Variants in SIGLEC15 observed in about 807,000 individuals in gnomAD.
SIGLEC15 encodes the protein sialic acid-binding Ig-like lectin 15.
In SIGLEC15, 31 loss-of-function variants were observed where a neutral mutation model predicts 26.2. That is an observed-to-expected ratio of 1.18 (90% CI 0.89 to 1.60). The LOEUF (loss-of-function observed/expected upper bound fraction) is 1.60. SIGLEC15 is among the 40% of genes most tolerant of loss of function. The pLI is 0.00. For missense variants in SIGLEC15, 501 were observed against 488.4 expected (o/e 1.03, Z -0.24); for synonymous variants, 207 against 221.9 (o/e 0.93, Z 0.60).
In SIGLEC15 at chr18:45,837,098, T is replaced by G. The variant is rs1487655195; in HGVS notation, c.112+10T>G. 1.2e-6 allele frequency: 2 copies of G among 1,612,742 alleles called. No homozygotes were observed. The highest frequency in any genetic ancestry group is 2.2e-5 in the South Asian group (2 of 90,932). The stretch of plus-strand genomic sequence containing the variant: ...AACACAGAGGTGCACAGTAAGTGCT[T>G]TTATTATTATCACCATCTCGGGGAT... On this transcript the variant is annotated intron_variant, in intron 2 of 5. Coordinates refer to ENST00000389474, the MANE Select transcript of SIGLEC15 (RefSeq NM_213602.3).
rs72916291 is a variant in SIGLEC15 at position 45,835,566 on chromosome 18, A to G, written c.53-1463A>G. Among the ~76,000 whole-genome samples, 536 of 152,312 alleles carry G rather than the reference A, an allele frequency of 3.5e-3. 2 individuals carry two copies. Among genetic ancestry groups the G allele is most frequent in the Non-Finnish European group, 6.1e-3 (416 of 68,016 alleles). On this transcript the variant is annotated intron_variant, in intron 1 of 5. Coordinates refer to ENST00000389474, the MANE Select transcript of SIGLEC15 (RefSeq NM_213602.3). ...AACTGGTGCTGATCTCATTTCGTAG[A>G]GGTCAGTCACTCTCCCACTCCAAGG...
intron 1 of SIGLEC15, among the ~76,000 whole-genome samples, chr18:45,836,785 C>A (rs546262983): frequency 1.3e-5 from 2 of 152,364 alleles, no homozygotes; most frequent in African/African-American, 2.4e-5. Context: ...ACCAACTCAA[C>A]GCATTAGCTT....
intron 1 of SIGLEC15, among the ~76,000 whole-genome samples, chr18:45,828,516 T>TG (rs2048205084): frequency 6.6e-6 from 1 of 152,090 alleles, no homozygotes; most frequent in Non-Finnish European, 1.5e-5. Context: ...AGGCCTCAGG[T>TG]GGTCCTCAAG....
At chr18:45,826,256 G>C (rs1012473330) in intron 1 of SIGLEC15, among the ~76,000 whole-genome samples, 5 of 152,236 alleles carry the variant, frequency 3.3e-5, no homozygotes, top group African/African-American at 1.2e-4. Context: ...GAGGGATAGA[G>C]GCCCTCCCAG....
At chr18:45,841,978 C>T (rs2145086303) in intron 5 of SIGLEC15, 128 bp from the exon 6 acceptor site, 1 of 857,262 alleles carries the variant, frequency 1.2e-6, no homozygotes, top group East Asian at 2.6e-5. Flanking sequence ...CATCTCTGAG[C>T]CCTGCCGGTT....
At position 45,837,764 on chromosome 18, in the gene SIGLEC15, C is replaced by T. The variant is rs1047643976; in HGVS notation, c.364C>T (p.Arg122Cys). 54 of 1,521,432 alleles carry T rather than the reference C, an allele frequency of 3.5e-5. No homozygotes were observed. The highest frequency in any genetic ancestry group is 4.6e-5 in the Non-Finnish European group (53 of 1,143,222). The allele number at this position is 1,521,432 out of a possible 1,614,324, so 94.2% of individuals were successfully genotyped here. Residue 122 changes from arginine to cysteine, a missense_variant, in exon 3 of 6, where the codon CGC becomes TGC. Arg to Cys is a radical substitution (Grantham distance 180). Transcript: ENST00000389474. ...GRFRLLGNPR[R>C]NDLSLRVERL... ...CTTCCGGCTGCTGGGCAACCCGCGC[C>T]GCAACGACCTCTCGCTGCGCGTCGA... is the stretch of plus-strand genomic sequence containing the variant.
chr18:45,839,054 T>C lies in SIGLEC15; in HGVS notation c.833T>C (p.Leu278Pro). Residue 278 changes from leucine to proline, a missense_variant, in exon 4 of 6, where the codon CTG (leucine) becomes CCG (proline). Leu to Pro is a moderately conservative substitution (Grantham distance 98). Coordinates refer to ENST00000389474, the MANE Select transcript of SIGLEC15 (RefSeq NM_213602.3). ...GCTCTCGGCTTCAAGGCGCTGCTGC[T>C]GCTCGGGGTCCTGGCCGCCCGCGCT... Reference protein sequence around the residue: ...LGALGFKALLLLGVLAARAAR... With the variant: ...LGALGFKALLPLGVLAARAAR... The C allele has an allele frequency of 3.3e-6, 5 of 1,519,730 alleles. No individual in the cohort carries two copies. Among genetic ancestry groups the C allele is most frequent in the Non-Finnish European group, 4.4e-6 (5 of 1,144,326 alleles). The allele number at this position is 1,519,730 out of a possible 1,614,324, so 94.1% of individuals were successfully genotyped here.
intron 4 of SIGLEC15, 108 bp from the exon 5 acceptor site, chr18:45,840,103 A>C: frequency 3.2e-6 from 4 of 1,268,530 alleles, no homozygotes; most frequent in Non-Finnish European, 4.5e-6. Flanking sequence ...TGCTTCAAAA[A>C]CAGTGGTTTC....
At chr18:45,835,692 A>G (rs574668812) in intron 1 of SIGLEC15, among the ~76,000 whole-genome samples, 2 of 152,308 alleles carry the variant, frequency 1.3e-5, no homozygotes, top group South Asian at 4.1e-4. Flanking sequence ...ACCATCCAGT[A>G]ACACTTTTAC....
At chr18:45,838,521 C>T in intron 3 of SIGLEC15, 197 bp from the exon 4 acceptor site, 1 of 738,530 alleles carries the variant, frequency 1.4e-6, no homozygotes, top group Non-Finnish European at 2.1e-6. Flanking sequence ...TCATGATCCT[C>T]ACTTTACACA....
chr18:45,840,192 C>T lies in SIGLEC15; in HGVS notation c.875-19C>T. ...TGCGGTGGAGATTCATGCCTGCTCT[C>T]TTGCTGTCCCTCCCACAGAGCATCT... On this transcript the variant is annotated intron_variant, in intron 4 of 5. Transcript: ENST00000389474. 6.2e-7 allele frequency: 1 copy of T among 1,613,080 alleles called. No homozygotes were observed. The highest frequency in any genetic ancestry group is 8.5e-7 in the Non-Finnish European group (1 of 1,179,570).
chr18:45,839,092 C>A lies in SIGLEC15; in HGVS notation c.871C>A (p.Pro291Thr). 7.1e-7 allele frequency: 1 copy of A among 1,405,764 alleles called. No homozygotes were observed. The highest frequency in any genetic ancestry group is 1.6e-5 in the South Asian group (1 of 63,056). The allele number at this position is 1,405,764 out of a possible 1,614,324, so 87.1% of individuals were successfully genotyped here. Reference protein sequence around the residue: ...VLAARAARRRPEHLDTPDTPP... With the variant: ...VLAARAARRRTEHLDTPDTPP... Reference sequence around the variant, plus strand: ...GGCCGCCCGCGCTGCCCGCCGCCGCCCAGGTGGGTGCGCCCCAGACACGGG... The same window carrying A: ...GGCCGCCCGCGCTGCCCGCCGCCGCACAGGTGGGTGCGCCCCAGACACGGG... The change falls in exon 4 of 6, where the codon CCA becomes ACA. Residue 291 changes from proline (P) to threonine (T), a missense_variant. Physicochemically the swap from Pro to Thr is conservative, Grantham distance 38 (BLOSUM62 -1). Coordinates refer to ENST00000389474, the MANE Select transcript of SIGLEC15 (RefSeq NM_213602.3).
At position 45,842,168 on chromosome 18, in the gene SIGLEC15, C is replaced by G. The variant is rs1197801083; in HGVS notation, c.968C>G (p.Ala323Gly). The G allele has an allele frequency of 3.1e-6, 5 of 1,614,184 alleles. No individual in the cohort carries two copies. Among genetic ancestry groups the G allele is most frequent in the Non-Finnish European group, 4.2e-6 (5 of 1,180,020 alleles). ...CAGATGAACCCCCGGAGCCCACCAG[C>G]CACCATGTGCTCACCGTGAGGAGTC... ...LSQMNPRSPP[A>G]TMCSP Residue 323 changes from alanine (A) to glycine (G), a missense_variant, in exon 6 of 6, where the codon GCC (alanine) becomes GGC (glycine). Ala to Gly is a moderately conservative substitution (Grantham distance 60, BLOSUM62 0). Coordinates refer to ENST00000389474, the MANE Select transcript of SIGLEC15 (RefSeq NM_213602.3).
intron 4 of SIGLEC15, 138 bp downstream of exon 4, chr18:45,839,233 C>T (rs1050694302): frequency 8.3e-7 from 1 of 1,206,862 alleles, no homozygotes; most frequent in African/African-American, 1.6e-5. Context: ...GCTTTCCTCT[C>T]TTTGCATGAA....
At position 45,842,286 on chromosome 18, in the gene SIGLEC15, G is replaced by A; in HGVS notation, c.*99G>A. On this transcript the variant is annotated 3_prime_UTR_variant, in exon 6 of 6. Coordinates refer to ENST00000389474, the MANE Select transcript of SIGLEC15 (RefSeq NM_213602.3). ...GCCAGTCCTGGTTCTCGGGCACCTT[G>A]GCAGCCCCCAGCTGGGTGGCTCCTC... The A allele has an allele frequency of 2.9e-6, 4 of 1,376,794 alleles. No homozygotes were observed. The highest frequency in any genetic ancestry group is 4.1e-6 in the Non-Finnish European group (4 of 972,474). 85.3% of individuals were successfully genotyped at this position (1,376,794 alleles called of 1,614,324 possible).
At chr18:45,839,805 G>T (rs1426796697) in intron 4 of SIGLEC15, among the ~76,000 whole-genome samples, 6 of 152,166 alleles carry the variant, frequency 3.9e-5, no homozygotes, top group Non-Finnish European at 8.8e-5. Context: ...TCAGAAATCT[G>T]CCCTGTGCCC....
At chr18:45,840,345 T>TG (rs1398244787) in intron 5 of SIGLEC15, 104 bp downstream of exon 5, 1 of 1,337,124 alleles carries the variant, frequency 7.5e-7, no homozygotes, top group Non-Finnish European at 1.0e-6. Context: ...GGGCTGGGGC[T>TG]GGGGTCCTAC....
At chr18:45,826,874 C>T (rs1451919196) in intron 1 of SIGLEC15, among the ~76,000 whole-genome samples, 1 of 152,164 alleles carries the variant, frequency 6.6e-6, no homozygotes, top group African/African-American at 2.4e-5. Flanking sequence ...TTTAGTAACT[C>T]ACATAAGGCT....
chr18:45,842,146 A>G lies in SIGLEC15; in HGVS notation c.946A>G (p.Met316Val). ...QESNYENLSQMNPRSPPATMC... is the reference protein window; with the variant it reads ...QESNYENLSQVNPRSPPATMC... ...GTCCAATTATGAAAATTTGAGCCAG[A>G]TGAACCCCCGGAGCCCACCAGCCAC... is the stretch of plus-strand genomic sequence containing the variant. The change falls in exon 6 of 6, where the codon ATG (methionine) becomes GTG (valine). Residue 316 changes from methionine (M) to valine (V), a missense_variant. Met to Val is a conservative substitution (Grantham distance 21, BLOSUM62 1). Coordinates refer to ENST00000389474, the MANE Select transcript of SIGLEC15 (RefSeq NM_213602.3). 6.2e-7 allele frequency: 1 copy of G among 1,614,176 alleles called. No homozygotes were observed. The highest frequency in any genetic ancestry group is 8.5e-7 in the Non-Finnish European group (1 of 1,180,028).
Sources: allele counts gnomAD v4.1 joint callset (sites outside exome capture counted in the v4.1 genomes callset), GRCh38; gene constraint gnomAD v4.1.1; transcripts MANE v1.5; gene names NCBI Gene and HGNC (gene_info 2026-07-23, HGNC 2026-07-21).